The following ALCAM variants were observed in gnomAD, a reference collection of about 807,000 sequenced individuals.
The protein encoded by ALCAM is activated leukocyte cell adhesion molecule.
In ALCAM, 30 loss-of-function variants were observed where a neutral mutation model predicts 70.9. That is an observed-to-expected ratio of 0.42 (90% CI 0.32 to 0.57). The LOEUF is 0.57. ALCAM is among the 20% of genes least tolerant of loss of function. ALCAM has a pLI of 0.11. For missense variants in ALCAM, 591 were observed against 695.1 expected, an observed-to-expected ratio of 0.85 and a Z score of 1.68; for synonymous variants, 249 against 242.5, an observed-to-expected ratio of 1.03 and a Z score of -0.25.
At chr3:105,473,614 A>G (rs1008168636) in intron 1 of ALCAM, among the ~76,000 whole-genome samples, 9 of 151,640 alleles carry the variant, frequency 5.9e-5, no homozygotes, top group African/African-American at 2.2e-4. Flanking sequence ...TACAATGTGC[A>G]TGACCATAAA....
chr3:105,542,746 G>A (rs540608549), intron 8 of ALCAM, among the ~76,000 whole-genome samples: 1 of 151,778 alleles, frequency 6.6e-6, no homozygotes, highest in African/African-American at 2.4e-5. Context: ...GAGAGATACA[G>A]GGAGGTACAT....
intron 3 of ALCAM, 130 bp from the exon 4 acceptor site, chr3:105,531,872 C>G (rs563203604): frequency 3.8e-6 from 3 of 794,148 alleles, no homozygotes; most frequent in Non-Finnish European, 6.6e-6. Flanking sequence ...GATTGTATAA[C>G]GAAATCTATT....
At position 105,575,164 on chromosome 3, in the gene ALCAM, T is replaced by C; in HGVS notation, c.*713T>C. The C allele has an allele frequency of 6.6e-6, 1 of 152,554 alleles. No individual in the cohort carries two copies. The highest frequency in any genetic ancestry group is 1.9e-4 in the East Asian group (1 of 5,192). 9.5% of individuals were successfully genotyped at this position (152,554 alleles called of 1,614,324 possible). ...AATTTTACCTATTCTGAAAAAGACA[T>C]AAAACAGAATTTGGTAGCACTTACC... On this transcript the variant is annotated 3_prime_UTR_variant, in exon 16 of 16. Coordinates refer to ENST00000306107, the MANE Select transcript of ALCAM (RefSeq NM_001627.4).
intron 7 of ALCAM, 63 bp downstream of exon 7, chr3:105,540,165 A>G (rs770798533): frequency 1.9e-4 from 288 of 1,512,744 alleles, no homozygotes; most frequent in Non-Finnish European, 2.4e-4. Context: ...TGACTTCTAC[A>G]TGGATAGATT....
intron 1 of ALCAM, among the ~76,000 whole-genome samples, chr3:105,488,681 A>G (rs754155602): frequency 9.8e-5 from 14 of 142,846 alleles, no homozygotes; most frequent in Non-Finnish European, 1.8e-4. Context: ...GGGGAAGGGA[A>G]GGGGAAGGAA....
At chr3:105,386,001 T>C (rs1935643437) in intron 1 of ALCAM, among the ~76,000 whole-genome samples, 1 of 151,552 alleles carries the variant, frequency 6.6e-6, no homozygotes, top group South Asian at 2.1e-4. Flanking sequence ...TCAAAACTAC[T>C]CCCTCATGGG....
intron 1 of ALCAM, among the ~76,000 whole-genome samples, chr3:105,517,415 C>G (rs185853982): frequency 6.6e-6 from 1 of 152,050 alleles, no homozygotes; most frequent in African/African-American, 2.4e-5. Context: ...TCTTTGTGTT[C>G]GTCCTGCTCT....
intron 1 of ALCAM, among the ~76,000 whole-genome samples, chr3:105,477,139 T>A (rs567922522): frequency 6.6e-6 from 1 of 152,218 alleles, no homozygotes; most frequent in African/African-American, 2.4e-5. Context: ...TTCAGGTATG[T>A]CTTTATCAGC....
rs1227174939 is a variant in ALCAM, at chr3:105,494,397, T to C, written c.74-25670T>C. 3.9e-5 allele frequency among the ~76,000 whole-genome samples: 6 copies of C among 152,234 alleles called. No individual in the cohort carries two copies. In the South Asian group the frequency reaches 1.2e-3, roughly 32 times the overall value. ...ATTGTAGAATATAACAATGAATCTT[T>C]TGTTTTATAAAGGGCCTGCCTTCCT... On this transcript the variant is annotated intron_variant, in intron 1 of 15. Coordinates refer to ENST00000306107, the MANE Select transcript of ALCAM (RefSeq NM_001627.4).
Position 105,533,651 on chromosome 3 carries a change from T to G in ALCAM, c.508T>G (p.Trp170Gly). 1 of 1,612,102 alleles carries G rather than the reference T, an allele frequency of 6.2e-7. No individual in the cohort carries two copies. The highest frequency in any genetic ancestry group is 8.5e-7 in the Non-Finnish European group (1 of 1,178,614). Residue 170 changes from tryptophan to glycine, a missense_variant, in exon 5 of 16, where the codon TGG becomes GGG. Coordinates refer to ENST00000306107, the MANE Select transcript of ALCAM (RefSeq NM_001627.4). Reference sequence around the variant, plus strand: ...CAGTTATCCAGATGGCAATATCACATGGTACAGGAATGGAAAAGTGCTACA... The same window carrying G: ...CAGTTATCCAGATGGCAATATCACAGGGTACAGGAATGGAAAAGTGCTACA... ...EDSYPDGNITWYRNGKVLHPL... is the reference protein window; with the variant it reads ...EDSYPDGNITGYRNGKVLHPL...
chr3:105,500,257 C>G (rs1938884013), intron 1 of ALCAM, among the ~76,000 whole-genome samples: 1 of 152,148 alleles, frequency 6.6e-6, no homozygotes, highest in Non-Finnish European at 1.5e-5. Context: ...TTCCTGTAAG[C>G]CTGCCTGCCT....
chr3:105,455,362 A>C (rs1259927822), intron 1 of ALCAM, among the ~76,000 whole-genome samples: 1 of 151,404 alleles, frequency 6.6e-6, no homozygotes, highest in Non-Finnish European at 1.5e-5. Flanking sequence ...GAATGGTGTG[A>C]ACCCGGGAGG....
intron 1 of ALCAM, among the ~76,000 whole-genome samples, chr3:105,405,480 G>T (rs984634362): frequency 8.6e-5 from 13 of 151,954 alleles, no homozygotes; most frequent in African/African-American, 2.9e-4. Flanking sequence ...TCCACTGACA[G>T]CACCAGACAG....
At chr3:105,499,003 G>T (rs1164854096) in intron 1 of ALCAM, among the ~76,000 whole-genome samples, 1 of 152,034 alleles carries the variant, frequency 6.6e-6, no homozygotes, top group African/African-American at 2.4e-5. Flanking sequence ...TGTTCAAAAT[G>T]ATGTATTTTT....
chr3:105,511,707 G>A (rs1939242507), intron 1 of ALCAM, among the ~76,000 whole-genome samples: 1 of 151,936 alleles, frequency 6.6e-6, no homozygotes, highest in Admixed American at 6.6e-5. Flanking sequence ...ATATCCTCAG[G>A]AGACATAGGC....
At chr3:105,481,560 G>A (rs1938272047) in intron 1 of ALCAM, among the ~76,000 whole-genome samples, 1 of 152,164 alleles carries the variant, frequency 6.6e-6, no homozygotes, top group Non-Finnish European at 1.5e-5. Context: ...AAGATGGTAT[G>A]TCATTTTAAA....
intron 1 of ALCAM, among the ~76,000 whole-genome samples, chr3:105,482,107 G>GTATTT (rs367931446): frequency 2.4e-4 from 37 of 151,934 alleles, no homozygotes; most frequent in Admixed American, 4.6e-4. Flanking sequence ...ATATTAATTC[G>GTATTT]TATTTTATTT....
intron 1 of ALCAM, among the ~76,000 whole-genome samples, chr3:105,372,005 T>C (rs1935249366): frequency 6.6e-6 from 1 of 152,154 alleles, no homozygotes; most frequent in Admixed American, 6.5e-5. Context: ...ACTGGAATAC[T>C]AAAGAATGGT....
In ALCAM at chr3:105,367,370, G is replaced by T. The variant is rs200118077; in HGVS notation, c.-39G>T. ...CCGGGACGACGCCCCCTCCTGCGGC[G>T]TGGACTCCGTCAGTGGCCCACCAAG... On this transcript the variant is annotated 5_prime_UTR_variant, in exon 1 of 16. Transcript: ENST00000306107. The T allele has an allele frequency of 9.4e-4, 1,518 of 1,609,078 alleles. 3 individuals are homozygous for T. The highest frequency in any genetic ancestry group is 1.0e-3 in the Non-Finnish European group (1,222 of 1,176,554).
Sources: gnomAD v4.1 joint callset for allele counts (sites outside exome capture counted in the v4.1 genomes callset) on GRCh38, gnomAD v4.1.1 for gene constraint, MANE v1.5 for transcripts, NCBI Gene and HGNC (gene_info 2026-07-23, HGNC 2026-07-21) for gene names.